CNOT4: variants seen among roughly 807,000 people sequenced by gnomAD.
CNOT4 encodes CCR4-NOT transcription complex subunit 4, also known as CCR4-associated factor 4.
A neutral mutation model predicts 73.8 loss-of-function variants in CNOT4; 8 were observed. That is an observed-to-expected ratio of 0.11 (90% confidence interval 0.06 to 0.20). The LOEUF is 0.20. CNOT4 is among the 10% of genes least tolerant of loss of function. CNOT4 has a pLI of 1.00. For synonymous variants in CNOT4, 293 were observed against 321.1 expected, an observed-to-expected ratio of 0.91 and a Z score of 0.94; for missense variants, 564 against 883.4, an observed-to-expected ratio of 0.64 and a Z score of 4.58.
At chr7:135,451,593 A>C (rs1244322716) in intron 1 of CNOT4, among the ~76,000 whole-genome samples, 4 of 152,106 alleles carry the variant, frequency 2.6e-5, no homozygotes, top group African/African-American at 7.2e-5. Context: ...ACACCCAGCC[A>C]ACTGTTTTTA....
intron 1 of CNOT4, among the ~76,000 whole-genome samples, chr7:135,469,693 T>C (rs979181659): frequency 6.6e-6 from 1 of 152,208 alleles, no homozygotes; most frequent in Non-Finnish European, 1.5e-5. Flanking sequence ...ATATATTTCC[T>C]ATATGGCCTA....
chr7:135,363,763 C>G lies in CNOT4; in HGVS notation c.1840+91G>C. ...ACACTTGCGGCTTTGTGAAAAGCAG[C>G]TTATGTTGAAGAGATCTCGGTTTTT... On this transcript the variant is annotated intron_variant, in intron 11 of 11. Coordinates refer to ENST00000541284, the MANE Select transcript of CNOT4 (RefSeq NM_001190850.2). This position sits in a 1 kb window ranked among gnomAD's most constrained non-coding sequence, Gnocchi z 4.3. The G allele has an allele frequency of 5.6e-6, 6 of 1,063,616 alleles. No homozygotes were observed. The highest frequency in any genetic ancestry group is 6.8e-6 in the Non-Finnish European group (5 of 739,208). The allele number at this position is 1,063,616 out of a possible 1,614,324, so 65.9% of individuals were successfully genotyped here. A position where few individuals can be genotyped will look rare whatever the true frequency, so the allele number is the denominator to read the frequency against.
At chr7:135,367,578 T>C (rs968649270) in intron 10 of CNOT4, among the ~76,000 whole-genome samples, 2 of 152,150 alleles carry the variant, frequency 1.3e-5, no homozygotes, top group African/African-American at 2.4e-5. Context: ...TAACAAATGC[T>C]CCACTGGTGG....
rs1799735464 is a variant in CNOT4 at position 135,445,040 on chromosome 7, A to G, written c.-92-6617T>C. ...AAATAACAGATAAGTCTGTTGGTGG[A>G]CAGCCTTCTTCTCTTAATCACAAGG... On this transcript the variant is annotated intron_variant, in intron 1 of 11. Coordinates refer to ENST00000541284, the MANE Select transcript of CNOT4 (RefSeq NM_001190850.2). The G allele has an allele frequency of 6.2e-6, 5 of 808,786 alleles. No homozygotes were observed. The Admixed American group carries it at 9.1e-5, about 15-fold the overall frequency. The allele number at this position is 808,786 out of a possible 1,614,324, so 50.1% of individuals were successfully genotyped here. A position where few individuals can be genotyped will look rare whatever the true frequency, so the allele number is the denominator to read the frequency against.
chr7:135,380,159 C>T (rs781173380), intron 10 of CNOT4, among the ~76,000 whole-genome samples: 59 of 152,116 alleles, frequency 3.9e-4, no homozygotes, highest in Non-Finnish European at 6.5e-4. Flanking sequence ...AGCAGATATG[C>T]TATCATTCTA....
chr7:135,500,028 A>C (rs562988726), intron 1 of CNOT4, among the ~76,000 whole-genome samples: 2 of 152,324 alleles, frequency 1.3e-5, no homozygotes, highest in Non-Finnish European at 2.9e-5. Flanking sequence ...ATGCCAACGA[A>C]AAACAGATTA....
At chr7:135,419,035 A>G (rs1336183447) in intron 3 of CNOT4, among the ~76,000 whole-genome samples, 1 of 152,146 alleles carries the variant, frequency 6.6e-6, no homozygotes, top group Non-Finnish European at 1.5e-5. Context: ...TCAAGAATTA[A>G]TTTGCAGAAT....
rs138939964 is a variant in CNOT4 at position 135,443,960 on chromosome 7, G to A, written c.-92-5537C>T. ...GCCCAGGGGTTCGAGACCAGCCTGG[G>A]CAACATGATGAAACCCCATCTCTAC... is the stretch of plus-strand genomic sequence containing the variant. On this transcript the variant is annotated intron_variant, in intron 1 of 11. Coordinates refer to ENST00000541284, the MANE Select transcript of CNOT4 (RefSeq NM_001190850.2). Among the ~76,000 whole-genome samples, 22 of 152,008 alleles carry A rather than the reference G, an allele frequency of 1.4e-4. No individual in the cohort carries two copies. In the East Asian group the frequency reaches 3.1e-3, roughly 21 times the overall value.
chr7:135,380,641 T>C (rs920324714), intron 10 of CNOT4, among the ~76,000 whole-genome samples: 1 of 152,210 alleles, frequency 6.6e-6, no homozygotes, highest in Non-Finnish European at 1.5e-5. Flanking sequence ...GTAATTAAAC[T>C]GTAAGACACA....
intron 3 of CNOT4, among the ~76,000 whole-genome samples, chr7:135,419,363 C>A (rs549552636): frequency 2.0e-5 from 3 of 152,168 alleles, no homozygotes; most frequent in South Asian, 2.1e-4. Flanking sequence ...ACAATTTGAA[C>A]CTTCTTTTGA....
chr7:135,384,746 G>C (rs1378463084), intron 10 of CNOT4: 4 of 764,780 alleles, frequency 5.2e-6, no homozygotes, highest in Non-Finnish European at 9.6e-6. Flanking sequence ...AAATATTTAG[G>C]TTCTTCTTCT....
At chr7:135,394,559 T>G in intron 9 of CNOT4, 144 bp from the exon 10 acceptor site, 1 of 684,982 alleles carries the variant, frequency 1.5e-6, no homozygotes, top group South Asian at 1.9e-5. Context: ...CACATTAAGA[T>G]CATATAATTA....
intron 1 of CNOT4, among the ~76,000 whole-genome samples, chr7:135,485,106 C>T (rs906327761): frequency 5.3e-5 from 8 of 152,142 alleles, no homozygotes; most frequent in Admixed American, 3.9e-4. Context: ...TGGAGTCTCG[C>T]TCTGTCACCA....
chr7:135,464,347 T>C (rs965157872), intron 1 of CNOT4, among the ~76,000 whole-genome samples: 5 of 152,268 alleles, frequency 3.3e-5, no homozygotes, highest in South Asian at 4.1e-4. Context: ...GAATACTATG[T>C]AGCCATAAAA....
intron 10 of CNOT4, among the ~76,000 whole-genome samples, chr7:135,370,785 A>G (rs967487839): frequency 6.6e-6 from 1 of 152,202 alleles, no homozygotes; most frequent in Non-Finnish European, 1.5e-5. Flanking sequence ...AAAAAGATGC[A>G]AAGCTTTCTG....
At chr7:135,453,825 T>A (rs1029827503) in intron 1 of CNOT4, among the ~76,000 whole-genome samples, 14 of 77,366 alleles carry the variant, frequency 1.8e-4, no homozygotes, top group Admixed American at 5.9e-4. Context: ...ATATATATAT[T>A]TTATATATAT....
chr7:135,394,154 G>C lies in CNOT4; in HGVS notation c.1391C>G (p.Ser464Cys), dbSNP rs1272715907. ...CAAGACTGAAAAGGTACTATTGAGA[G>C]AATTGGCATTTGTAGCTGCAGCAGG... ...LHPAAATNAN[S>C]LNSTFSVLPQ... Residue 464 changes from serine to cysteine, a missense_variant, in exon 10 of 12, where the codon TCT becomes TGT. Physicochemically the swap from Ser to Cys is moderately radical, Grantham distance 112. This residue lies in a region of CNOT4 where 153 missense variants were observed against 158.7 expected (regional missense o/e 0.96). Transcript: ENST00000541284. 6.2e-7 allele frequency: 1 copy of C among 1,614,116 alleles called. No homozygotes were observed. The highest frequency in any genetic ancestry group is 8.5e-7 in the Non-Finnish European group (1 of 1,180,032).
At chr7:135,466,599 A>T (rs555648248) in intron 1 of CNOT4, among the ~76,000 whole-genome samples, 2 of 152,312 alleles carry the variant, frequency 1.3e-5, no homozygotes, top group South Asian at 4.1e-4. Context: ...CAATGTCTAC[A>T]GTAGTGTACA....
chr7:135,420,802 G>A (rs1798146573), intron 3 of CNOT4, among the ~76,000 whole-genome samples: 1 of 152,004 alleles, frequency 6.6e-6, no homozygotes, highest in Non-Finnish European at 1.5e-5. Context: ...GGTGAGGCAG[G>A]ATTCTCTCTG....
Sources: gnomAD v4.1 joint callset for allele counts (sites outside exome capture counted in the v4.1 genomes callset) on GRCh38, gnomAD v4.1.1 for gene constraint, gnomAD v4.1.1 regional missense constraint, Gnocchi (gnomAD v3.1) non-coding constraint, MANE v1.5 for transcripts, NCBI Gene and HGNC (gene_info 2026-07-23, HGNC 2026-07-21) for gene names.